HUNK: variants seen among roughly 807,000 people sequenced by gnomAD.
The protein encoded by HUNK is hormonally up-regulated Neu-associated kinase, also known as hormonally up-regulated neu tumor-associated kinase.
In HUNK, 21 loss-of-function variants were observed where a neutral mutation model predicts 61.0. The ratio of observed to expected loss-of-function variants is 0.34; its 90% CI spans 0.24 to 0.50. The LOEUF (loss-of-function observed/expected upper bound fraction) is 0.50. Among genes scored for constraint, HUNK ranks in the 20% least tolerant of loss-of-function variants. HUNK has a pLI of 0.98. For missense variants in HUNK, 772 were observed against 945.7 expected, an observed-to-expected ratio of 0.82 and a Z score of 2.41; for synonymous variants, 371 against 386.1, an observed-to-expected ratio of 0.96 and a Z score of 0.46.
At chr21:31,997,948 C>T (rs935520444) in intron 10 of HUNK, among the ~76,000 whole-genome samples, 10 of 151,840 alleles carry the variant, frequency 6.6e-5, no homozygotes, top group African/African-American at 2.4e-4. Flanking sequence ...GACAGAGTCT[C>T]ACTCTGTCAC....
chr21:31,959,020 A>C, intron 5 of HUNK, 50 bp downstream of exon 5: 1 of 1,480,524 alleles, frequency 6.8e-7, no homozygotes, highest in Non-Finnish European at 9.0e-7. Flanking sequence ...TGTCGTGACC[A>C]GTTCGGGTCT....
chr21:31,877,546 T>G (rs1031542244), intron 1 of HUNK, among the ~76,000 whole-genome samples: 3 of 152,000 alleles, frequency 2.0e-5, no homozygotes, highest in Non-Finnish European at 2.9e-5. Context: ...TGTCCTCCTT[T>G]GAGTTAATGC....
chr21:31,961,333 C>T (rs1192928149), intron 5 of HUNK, among the ~76,000 whole-genome samples: 1 of 152,038 alleles, frequency 6.6e-6, no homozygotes, highest in African/African-American at 2.4e-5. Context: ...CAGTTTGGGG[C>T]TATCATGAAT....
intron 5 of HUNK, among the ~76,000 whole-genome samples, chr21:31,965,208 A>G (rs1379200606): frequency 6.6e-6 from 1 of 152,148 alleles, no homozygotes; most frequent in East Asian, 1.9e-4. Context: ...CAGAAAACCA[A>G]ATACCGCATG....
intron 3 of HUNK, among the ~76,000 whole-genome samples, chr21:31,941,829 A>G (rs1260362938): frequency 6.6e-6 from 1 of 152,144 alleles, no homozygotes; most frequent in African/African-American, 2.4e-5. Context: ...TGTTCTTTGG[A>G]AAATGTGGAG....
At chr21:31,914,160 C>T (rs2052565642) in intron 1 of HUNK, among the ~76,000 whole-genome samples, 1 of 151,994 alleles carries the variant, frequency 6.6e-6, no homozygotes, top group Non-Finnish European at 1.5e-5. Flanking sequence ...GTAATCCCAG[C>T]ACTTTGGGAG....
chr21:31,901,485 G>C (rs1042112428), intron 1 of HUNK, among the ~76,000 whole-genome samples: 2 of 152,194 alleles, frequency 1.3e-5, no homozygotes, highest in African/African-American at 4.8e-5. Context: ...GATGAGCTTG[G>C]GCTGAGCAGG....
At chr21:31,979,512 ATTCTTTTTTTTTT>A (rs1568940225) in intron 7 of HUNK, among the ~76,000 whole-genome samples, 1 of 99,508 alleles carries the variant, frequency 1.0e-5, no homozygotes, top group Non-Finnish European at 2.0e-5. Flanking sequence ...AGTTGTTTGC[ATTCTTTTTTTTTT>A]TTTTTTTTTT....
intron 5 of HUNK, among the ~76,000 whole-genome samples, chr21:31,965,101 T>A (rs1033099731): frequency 1.3e-5 from 2 of 152,182 alleles, no homozygotes; most frequent in African/African-American, 4.8e-5. Context: ...GGAAGGGAGA[T>A]AGACATTCTG....
chr21:31,918,981 GGAGGA>G (rs1398042389), intron 1 of HUNK, among the ~76,000 whole-genome samples: 1 of 149,456 alleles, frequency 6.7e-6, no homozygotes, highest in Non-Finnish European at 1.5e-5. Flanking sequence ...AGCGGTATGA[GGAGGA>G]GGGGCTGGAC....
At chr21:31,992,908 T>A (rs904444630) in intron 9 of HUNK, among the ~76,000 whole-genome samples, 1 of 152,194 alleles carries the variant, frequency 6.6e-6, no homozygotes, top group African/African-American at 2.4e-5. Flanking sequence ...CTGAGGTTTG[T>A]CCCCGACAGG....
chr21:31,968,465 C>G (rs964226436), intron 6 of HUNK, 80 bp downstream of exon 6: 9 of 1,546,794 alleles, frequency 5.8e-6, no homozygotes, highest in Admixed American at 3.6e-5. Context: ...GGACAGAAAG[C>G]TGTCCGTGAT....
At chr21:31,992,311 C>T (rs2053177005) in intron 9 of HUNK, among the ~76,000 whole-genome samples, 1 of 152,218 alleles carries the variant, frequency 6.6e-6, no homozygotes, top group South Asian at 2.1e-4. Flanking sequence ...GCATCTCCGT[C>T]TCCTCCACAG....
chr21:31,957,906 C>G (rs1288271522), intron 4 of HUNK, among the ~76,000 whole-genome samples: 1 of 152,122 alleles, frequency 6.6e-6, no homozygotes, highest in African/African-American at 2.4e-5. Context: ...AGCAAAACGC[C>G]AGGTTTTGTT....
chr21:31,937,675 T>G (rs1286931997), intron 2 of HUNK, among the ~76,000 whole-genome samples: 1 of 152,260 alleles, frequency 6.6e-6, no homozygotes, highest in Non-Finnish European at 1.5e-5. Flanking sequence ...TTTCTTAAAT[T>G]AACTATGTTA....
chr21:31,941,588 T>C (rs574478535), intron 3 of HUNK, among the ~76,000 whole-genome samples: 1 of 152,352 alleles, frequency 6.6e-6, no homozygotes, highest in Non-Finnish European at 1.5e-5. Flanking sequence ...ATTACAGGCA[T>C]GAGCCACCAT....
At chr21:31,993,845 A>G (rs897232454) in intron 9 of HUNK, among the ~76,000 whole-genome samples, 3 of 152,068 alleles carry the variant, frequency 2.0e-5, no homozygotes, top group Admixed American at 2.0e-4. Flanking sequence ...GTCCTGGAGC[A>G]CATAACCTTC....
intron 6 of HUNK, chr21:31,974,247 C>T (rs1053102963): frequency 1.5e-5 from 3 of 203,838 alleles, no homozygotes; most frequent in Non-Finnish European, 2.9e-5. Context: ...TGGGGGACAT[C>T]TTTGGTTTTT....
chr21:31,970,009 CCTT>C (rs1442157323), intron 6 of HUNK, among the ~76,000 whole-genome samples: 2 of 152,162 alleles, frequency 1.3e-5, no homozygotes, highest in African/African-American at 2.4e-5. Flanking sequence ...GACCCACCTT[CCTT>C]CTTCCTTCAG....
Sources: allele counts gnomAD v4.1 joint callset (sites outside exome capture counted in the v4.1 genomes callset), GRCh38; gene constraint gnomAD v4.1.1; transcripts MANE v1.5; gene names NCBI Gene and HGNC (gene_info 2026-07-23, HGNC 2026-07-21).